Variants in CLYBL observed in about 807,000 individuals in gnomAD.
CLYBL encodes citramalyl-CoA lyase, mitochondrial.
CLYBL carries 31 observed loss-of-function variants against 38.9 expected under a neutral mutation model. That is an observed-to-expected ratio of 0.80 (90% CI 0.60 to 1.08). The LOEUF (loss-of-function observed/expected upper bound fraction) is 1.08, where lower values mean the gene tolerates loss of function less well. CLYBL is among the 50% of genes least tolerant of loss of function. CLYBL has a pLI of 0.00. For synonymous variants in CLYBL, 171 were observed against 158.6 expected (o/e 1.08, Z -0.59); for missense variants, 434 against 411.6 (o/e 1.05, Z -0.47).
In CLYBL at chr13:99,786,920, C is replaced by T. The variant is rs924623241; in HGVS notation, c.249+13910C>T. Among the ~76,000 whole-genome samples the T allele has an allele frequency of 3.2e-4, 49 of 152,084 alleles. 1 individual carries two copies. Among genetic ancestry groups the T allele is most frequent in the African/African-American group, 1.1e-3 (47 of 41,476 alleles). On this transcript the variant is annotated intron_variant, in intron 2 of 8. Transcript: ENST00000339105. Reference sequence around the variant, plus strand: ...CATTCTAACTGGTGTGAGATGGTATCTCATTGTGGTTTTGATTTGCATTTC... The same window carrying T: ...CATTCTAACTGGTGTGAGATGGTATTTCATTGTGGTTTTGATTTGCATTTC...
intron 1 of CLYBL, among the ~76,000 whole-genome samples, chr13:99,695,039 C>T (rs1436977694): frequency 6.6e-6 from 1 of 152,186 alleles, no homozygotes; most frequent in Non-Finnish European, 1.5e-5. Flanking sequence ...ATCCATCCCA[C>T]CGCGAGAGCG....
At chr13:99,822,029 G>T (rs2050598366) in intron 2 of CLYBL, among the ~76,000 whole-genome samples, 1 of 152,134 alleles carries the variant, frequency 6.6e-6, no homozygotes, top group Non-Finnish European at 1.5e-5. Context: ...GGAGACACAG[G>T]TCCTTAGTGA....
intron 7 of CLYBL, among the ~76,000 whole-genome samples, chr13:99,881,884 G>A (rs2052220408): frequency 6.6e-6 from 1 of 152,042 alleles, no homozygotes; most frequent in Admixed American, 6.6e-5. Context: ...TTGAATTCTA[G>A]TATTTCTGGT....
chr13:99,747,264 G>C (rs1178029233), intron 1 of CLYBL, among the ~76,000 whole-genome samples: 1 of 117,756 alleles, frequency 8.5e-6, no homozygotes, highest in African/African-American at 3.4e-5. Context: ...CTCCTCCTTC[G>C]TTCCTACCCT....
chr13:99,844,487 C>T (rs2051153753), intron 2 of CLYBL, among the ~76,000 whole-genome samples: 1 of 152,196 alleles, frequency 6.6e-6, no homozygotes, highest in Admixed American at 6.5e-5. Context: ...GTTGGCACAC[C>T]ATTGGGACAC....
intron 6 of CLYBL, among the ~76,000 whole-genome samples, chr13:99,868,533 C>T (rs549110310): frequency 2.0e-4 from 31 of 152,268 alleles, no homozygotes; most frequent in African/African-American, 6.0e-4. Context: ...TTATCCATAA[C>T]GCTGGTAAGG....
chr13:99,655,080 CTTTT>C (rs561111559), intron 1 of CLYBL, among the ~76,000 whole-genome samples: 2 of 142,812 alleles, frequency 1.4e-5, no homozygotes, highest in Non-Finnish European at 1.5e-5. Flanking sequence ...GCATTTCTTT[CTTTT>C]TTTTTTTTTT....
intron 2 of CLYBL, among the ~76,000 whole-genome samples, chr13:99,851,926 A>G (rs1021740817): frequency 1.3e-5 from 2 of 152,240 alleles, no homozygotes; most frequent in Non-Finnish European, 2.9e-5. Flanking sequence ...TAATAGCCAC[A>G]AAGTGGAAAC....
chr13:99,747,134 G>A (rs1289261595), intron 1 of CLYBL, among the ~76,000 whole-genome samples: 1 of 152,060 alleles, frequency 6.6e-6, no homozygotes, highest in Non-Finnish European at 1.5e-5. Context: ...CCCACTAACA[G>A]GCACATGCGC....
chr13:99,874,025 T>C (rs1471332764), intron 7 of CLYBL, among the ~76,000 whole-genome samples: 1 of 152,238 alleles, frequency 6.6e-6, no homozygotes, highest in Non-Finnish European at 1.5e-5. Context: ...TGTGGCTGCT[T>C]TGTTTCAGGA....
chr13:99,646,844 A>G (rs750557064), intron 1 of CLYBL, among the ~76,000 whole-genome samples: 2 of 151,982 alleles, frequency 1.3e-5, no homozygotes, highest in Non-Finnish European at 2.9e-5. Context: ...ATCTTAATAT[A>G]AGGAGCTCGT....
intron 1 of CLYBL, among the ~76,000 whole-genome samples, chr13:99,745,752 G>C (rs770084035): frequency 6.6e-6 from 1 of 152,050 alleles, no homozygotes; most frequent in Non-Finnish European, 1.5e-5. Context: ...CACAGCTTTC[G>C]TGTGTGTGGT....
At chr13:99,894,130 G>GA (rs1409859417), downstream of CLYBL, 2 of 152,296 alleles carry the variant, frequency 1.3e-5, no homozygotes, top group African/African-American at 4.8e-5. Flanking sequence ...CTTAGTCCTT[G>GA]AAGAACAAAA....
At chr13:99,815,533 G>A (rs754766274) in intron 2 of CLYBL, among the ~76,000 whole-genome samples, 10 of 152,154 alleles carry the variant, frequency 6.6e-5, no homozygotes, top group Non-Finnish European at 1.3e-4. Context: ...CACAGTGGGC[G>A]ATGATGGCGC....
At chr13:99,799,891 G>A (rs1188673384) in intron 2 of CLYBL, among the ~76,000 whole-genome samples, 2 of 152,208 alleles carry the variant, frequency 1.3e-5, no homozygotes, top group Non-Finnish European at 1.5e-5. Flanking sequence ...CAGATGTCGC[G>A]TGCACCCACC....
chr13:99,770,017 A>G lies in CLYBL; in HGVS notation c.63-2807A>G, dbSNP rs564274022. The stretch of plus-strand genomic sequence containing the variant: ...TATATTTTTTAAGATCATGCTATTT[A>G]TCTAGGGAGAGTAAAACATCAGTTT... On this transcript the variant is annotated intron_variant, in intron 1 of 8. Transcript: ENST00000339105. Among the ~76,000 whole-genome samples the G allele has an allele frequency of 2.6e-5, 4 of 151,502 alleles. No homozygotes were observed. The South Asian group carries it at 8.4e-4, about 32-fold the overall frequency.
At chr13:99,892,219 T>A (rs543730701) in intron 8 of CLYBL, 1 of 152,306 alleles carries the variant, frequency 6.6e-6, no homozygotes, top group East Asian at 1.9e-4. Flanking sequence ...ACTCCCTCAG[T>A]CATAAACTTG....
intron 1 of CLYBL, among the ~76,000 whole-genome samples, chr13:99,661,138 TATTG>T (rs538326576): frequency 6.4e-4 from 98 of 152,304 alleles, no homozygotes; most frequent in Admixed American, 1.0e-3. Flanking sequence ...TCTTTAACAA[TATTG>T]ATTGTTAAAT....
At chr13:99,848,472 G>A (rs1402012837) in intron 2 of CLYBL, among the ~76,000 whole-genome samples, 1 of 152,190 alleles carries the variant, frequency 6.6e-6, no homozygotes, top group Admixed American at 6.5e-5. Flanking sequence ...TGGTATTCAG[G>A]AAGTTTTCTC....
Sources: gnomAD v4.1 joint callset for allele counts (sites outside exome capture counted in the v4.1 genomes callset) on GRCh38, gnomAD v4.1.1 for gene constraint, MANE v1.5 for transcripts, NCBI Gene and HGNC (gene_info 2026-07-23, HGNC 2026-07-21) for gene names.